Variants in SLC10A7 observed in about 807,000 individuals in gnomAD.
The protein encoded by SLC10A7 is sodium/bile acid cotransporter 7.
Under a neutral mutation model 43.2 loss-of-function variants are expected in SLC10A7, and 29 were observed. The ratio of observed to expected loss-of-function variants is 0.67; its 90% confidence interval spans 0.50 to 0.92. The LOEUF (loss-of-function observed/expected upper bound fraction) is 0.92, where lower values mean the gene tolerates loss of function less well. Among genes scored for constraint, SLC10A7 ranks in the 40% least tolerant of loss-of-function variants. The pLI is 0.00. For missense variants in SLC10A7, 295 were observed against 403.2 expected, an observed-to-expected ratio of 0.73 and a Z score of 2.30; for synonymous variants, 152 against 144.8, an observed-to-expected ratio of 1.05 and a Z score of -0.35.
intron 5 of SLC10A7, among the ~76,000 whole-genome samples, chr4:146,346,246 G>A (rs1386048430): frequency 6.6e-6 from 1 of 152,078 alleles, no homozygotes; most frequent in Non-Finnish European, 1.5e-5. Context: ...AAATTAACTA[G>A]TATTAAGAAA....
chr4:146,469,880 C>T (rs1421761453), intron 4 of SLC10A7, among the ~76,000 whole-genome samples: 1 of 152,136 alleles, frequency 6.6e-6, no homozygotes, highest in Non-Finnish European at 1.5e-5. Flanking sequence ...GACCCTCCCG[C>T]CTCGGCCACC....
chr4:146,257,608 A>T (rs2110967852), intron 11 of SLC10A7, among the ~76,000 whole-genome samples: 1 of 152,382 alleles, frequency 6.6e-6, no homozygotes, highest in South Asian at 2.1e-4. Context: ...TGCAGTGAAC[A>T]TCATTGTAGA....
At chr4:146,370,197 C>T (rs1334697977) in intron 5 of SLC10A7, among the ~76,000 whole-genome samples, 5 of 152,088 alleles carry the variant, frequency 3.3e-5, no homozygotes. Context: ...TGCATGCTCC[C>T]AAGAGGCTTG....
At chr4:146,265,381 T>C (rs1371117365) in intron 10 of SLC10A7, among the ~76,000 whole-genome samples, 1 of 152,230 alleles carries the variant, frequency 6.6e-6, no homozygotes, top group Non-Finnish European at 1.5e-5. Flanking sequence ...TTAATCCTTG[T>C]TAAAGCTGAG....
intron 9 of SLC10A7, among the ~76,000 whole-genome samples, chr4:146,285,410 C>T (rs946356799): frequency 1.3e-5 from 2 of 152,194 alleles, no homozygotes; most frequent in African/African-American, 2.4e-5. Flanking sequence ...TACCTCCCAA[C>T]AGCTCAAGAG....
chr4:146,443,542 G>C (rs576678337), intron 4 of SLC10A7, among the ~76,000 whole-genome samples: 1 of 151,674 alleles, frequency 6.6e-6, no homozygotes, highest in African/African-American at 2.4e-5. Flanking sequence ...TACCCAAAAA[G>C]GAAAAAACTT....
At position 146,254,620 on chromosome 4, in the gene SLC10A7, T is replaced by C. The variant is rs902442005; in HGVS notation, c.*1871A>G. On this transcript the variant is annotated 3_prime_UTR_variant, in exon 12 of 12. Coordinates refer to ENST00000335472, the MANE Select transcript of SLC10A7 (RefSeq NM_001029998.6). Reference sequence around the variant, plus strand: ...AATTTTATCCCATGATCACACCTACTATAGGTGTTAGACAATAGAGGTAGA... The same window carrying C: ...AATTTTATCCCATGATCACACCTACCATAGGTGTTAGACAATAGAGGTAGA... 9.9e-5 allele frequency: 15 copies of C among 152,208 alleles called. No individual in the cohort carries two copies. The highest frequency in any genetic ancestry group is 1.9e-4 in the Non-Finnish European group (13 of 68,036). 9.4% of individuals were successfully genotyped at this position (152,208 alleles called of 1,614,324 possible).
chr4:146,494,731 A>T (rs1238654964), intron 4 of SLC10A7, among the ~76,000 whole-genome samples: 1 of 152,124 alleles, frequency 6.6e-6, no homozygotes, highest in African/African-American at 2.4e-5. Flanking sequence ...AGATCTTTGG[A>T]GATGAGTGGT....
chr4:146,348,659 C>T (rs745721814), intron 5 of SLC10A7, among the ~76,000 whole-genome samples: 4 of 152,048 alleles, frequency 2.6e-5, no homozygotes, highest in African/African-American at 7.3e-5. Context: ...TACATAAAAA[C>T]GTATCATTTA....
chr4:146,436,195 C>T (rs890885332), intron 5 of SLC10A7, among the ~76,000 whole-genome samples: 2 of 152,060 alleles, frequency 1.3e-5, no homozygotes, highest in Non-Finnish European at 2.9e-5. Context: ...CATTTACTTG[C>T]TACACAAGTC....
At chr4:146,358,538 C>T (rs1338060791) in intron 5 of SLC10A7, among the ~76,000 whole-genome samples, 1 of 152,108 alleles carries the variant, frequency 6.6e-6, no homozygotes, top group Non-Finnish European at 1.5e-5. Context: ...CTCACTTTGC[C>T]AAAGGTACCA....
chr4:146,272,488 C>A (rs1037596624), intron 10 of SLC10A7, among the ~76,000 whole-genome samples: 1 of 152,092 alleles, frequency 6.6e-6, no homozygotes, highest in Non-Finnish European at 1.5e-5. Flanking sequence ...GAAACTGTTA[C>A]CCTTGCTTTG....
At chr4:146,312,126 G>A (rs72950636) in intron 6 of SLC10A7, among the ~76,000 whole-genome samples, 1 of 152,130 alleles carries the variant, frequency 6.6e-6, no homozygotes, top group African/African-American at 2.4e-5. Context: ...ATATGTTTAG[G>A]AGAGGAAAGT....
chr4:146,508,694 A>G (rs569897981), intron 3 of SLC10A7, among the ~76,000 whole-genome samples: 60 of 152,218 alleles, frequency 3.9e-4, no homozygotes, highest in South Asian at 2.1e-4. Context: ...ATTCCTCTCT[A>G]TTGAACTGCT....
chr4:146,442,825 T>G lies in SLC10A7; in HGVS notation c.397-4A>C. The G allele has an allele frequency of 6.3e-7, 1 of 1,575,302 alleles. No homozygotes were observed. The highest frequency in any genetic ancestry group is 8.6e-7 in the Non-Finnish European group (1 of 1,163,242). On this transcript the variant is annotated splice_region_variant and splice_polypyrimidine_tract_variant and intron_variant, in intron 4 of 11. Transcript: ENST00000335472. ...CTGAATTAAATATTGCAGCTGCCTATGAAGAAAATAAATAGGGGAAAAAAA... is the reference window on the plus strand; with the variant it reads ...CTGAATTAAATATTGCAGCTGCCTAGGAAGAAAATAAATAGGGGAAAAAAA...
intron 4 of SLC10A7, among the ~76,000 whole-genome samples, chr4:146,492,098 T>C (rs1226904947): frequency 6.6e-6 from 1 of 151,872 alleles, no homozygotes; most frequent in African/African-American, 2.4e-5. Flanking sequence ...CGGGCGCCTG[T>C]AGTCCCAGCT....
At chr4:146,318,601 C>T (rs2149697276) in intron 6 of SLC10A7, among the ~76,000 whole-genome samples, 1 of 152,026 alleles carries the variant, frequency 6.6e-6, no homozygotes, top group South Asian at 2.1e-4. Context: ...AATTTAAAAC[C>T]CATCCAGATG....
intron 4 of SLC10A7, among the ~76,000 whole-genome samples, chr4:146,491,652 GA>G (rs1435608784): frequency 2.0e-5 from 3 of 149,580 alleles, no homozygotes; most frequent in African/African-American, 7.4e-5. Flanking sequence ...AGAAAGAAAG[GA>G]AGGAGGGAGA....
intron 4 of SLC10A7, among the ~76,000 whole-genome samples, chr4:146,486,458 T>C (rs892342363): frequency 2.0e-5 from 3 of 152,254 alleles, no homozygotes; most frequent in Non-Finnish European, 4.4e-5. Context: ...ATAGTGTGAA[T>C]TCAGAGGAGA....
Sources: gnomAD v4.1 joint callset for allele counts (sites outside exome capture counted in the v4.1 genomes callset) on GRCh38, gnomAD v4.1.1 for gene constraint, MANE v1.5 for transcripts, NCBI Gene and HGNC (gene_info 2026-07-23, HGNC 2026-07-21) for gene names.